Variants in TEX26 observed in about 807,000 individuals in gnomAD.
The protein encoded by TEX26 is testis expressed 26.
TEX26 carries 34 observed loss-of-function variants against 35.3 expected under a neutral mutation model. The observed-to-expected ratio is 0.96, with a 90% CI of 0.73 to 1.28. TEX26 has a LOEUF of 1.28. Among genes scored for constraint, TEX26 ranks in the 50% most tolerant of loss-of-function variants. The pLI is 0.00. For missense variants in TEX26, 371 were observed against 330.1 expected, an observed-to-expected ratio of 1.12 and a Z score of -0.96; for synonymous variants, 136 against 111.8, an observed-to-expected ratio of 1.22 and a Z score of -1.36.
rs554792113 is a variant in TEX26, at chr13:30,935,999, T to A, written c.61+3223T>A. ...TAGGGTACACGAGGATAATCCAGGA[T>A]GATTTCCTAATCTCGAAATCTTTAA... On this transcript the variant is annotated intron_variant, in intron 1 of 6. Transcript: ENST00000380473. Among the ~76,000 whole-genome samples, 30 of 152,358 alleles carry A rather than the reference T, an allele frequency of 2.0e-4. No homozygotes were observed. In the South Asian group the frequency reaches 5.6e-3, roughly 28 times the overall value.
chr13:30,952,819 C>T lies in TEX26; in HGVS notation c.306C>T (p.Leu102=), dbSNP rs769908618. ...GAATCAAGAGCCACAAATCTCATCT[C>T]AATGAAGTAAGATAATATCTACATA... ...SRGIKSHKSH[L]NEDIFLWTLP... Residue 102 remains leucine (L), a synonymous_variant, in exon 3 of 7, where the codon CTC becomes CTT. Coordinates refer to ENST00000380473, the MANE Select transcript of TEX26 (RefSeq NM_152325.3). 1.2e-6 allele frequency: 2 copies of T among 1,612,200 alleles called. No individual in the cohort carries two copies. Among genetic ancestry groups the T allele is most frequent in the Non-Finnish European group, 1.7e-6 (2 of 1,179,134 alleles).
intron 3 of TEX26, among the ~76,000 whole-genome samples, chr13:30,954,044 A>G (rs1954030670): frequency 6.6e-6 from 1 of 152,132 alleles, no homozygotes; most frequent in South Asian, 2.1e-4. Context: ...GGTTGGGTGG[A>G]GAAGGGCATT....
chr13:30,936,708 T>A (rs1405943565), intron 1 of TEX26: 1 of 985,196 alleles, frequency 1.0e-6, no homozygotes, highest in Non-Finnish European at 1.2e-6. Flanking sequence ...CAGGGCTGGG[T>A]CCACGGGAGG....
intron 6 of TEX26, among the ~76,000 whole-genome samples, chr13:30,973,842 T>C (rs1297457520): frequency 6.6e-6 from 1 of 152,076 alleles, no homozygotes; most frequent in Non-Finnish European, 1.5e-5. Flanking sequence ...CTCCACTCTG[T>C]ACTATTAAAG....
rs1954629223 is a variant in TEX26 at position 30,968,950 on chromosome 13, A to C, written c.712A>C (p.Ser238Arg). 3 of 1,614,138 alleles carry C rather than the reference A, an allele frequency of 1.9e-6. No homozygotes were observed. The highest frequency in any genetic ancestry group is 2.5e-6 in the Non-Finnish European group (3 of 1,179,998). ...EHTKKQTTYQ[S>R]DYDKTYPDFL... ...CACAAAGAAACAGACCACATACCAA[A>C]GTGACTACGACAAAACCTACCCAGA... Residue 238 changes from serine (S) to arginine (R), a missense_variant, in exon 6 of 7, where the codon AGT becomes CGT. Physicochemically the swap from Ser to Arg is moderately radical, Grantham distance 110. Coordinates refer to ENST00000380473, the MANE Select transcript of TEX26 (RefSeq NM_152325.3).
chr13:30,959,696 C>T (rs1372406908), intron 4 of TEX26, among the ~76,000 whole-genome samples: 1 of 151,944 alleles, frequency 6.6e-6, no homozygotes, highest in Non-Finnish European at 1.5e-5. Context: ...TGTACACTTA[C>T]CAAAATTTTT....
At position 30,974,854 on chromosome 13, in the gene TEX26, A is replaced by T. The variant is rs1346319719; in HGVS notation, c.817A>T (p.Ile273Phe). 1 of 1,559,662 alleles carries T rather than the reference A, an allele frequency of 6.4e-7. No individual in the cohort carries two copies. Among genetic ancestry groups the T allele is most frequent in the East Asian group, 2.4e-5 (1 of 41,102 alleles). Reference protein sequence around the residue: ...LQSLSYKDRQIIDRFIRTHCD... With the variant: ...LQSLSYKDRQFIDRFIRTHCD... The stretch of plus-strand genomic sequence containing the variant: ...TTCTTCATACTTTTCAGATAGACAA[A>T]TTATTGATCGCTTTATTCGTACTCA... Residue 273 changes from isoleucine to phenylalanine, a missense_variant, in exon 7 of 7, where the codon ATT (isoleucine) becomes TTT (phenylalanine). Coordinates refer to ENST00000380473, the MANE Select transcript of TEX26 (RefSeq NM_152325.3).
At chr13:30,958,758 C>A (rs1486897001) in intron 4 of TEX26, among the ~76,000 whole-genome samples, 1 of 152,172 alleles carries the variant, frequency 6.6e-6, no homozygotes, top group African/African-American at 2.4e-5. Context: ...ATTAATCCCA[C>A]CCCACCGGCA....
intron 1 of TEX26, among the ~76,000 whole-genome samples, chr13:30,934,554 C>A (rs1298371255): frequency 2.6e-5 from 4 of 152,192 alleles, no homozygotes; most frequent in Non-Finnish European, 5.9e-5. Flanking sequence ...AGTCTGCACT[C>A]CCTCTACAGG....
In TEX26 at chr13:30,939,675, T is replaced by A. The variant is rs1325801306; in HGVS notation, c.62-19T>A. 2 of 1,603,078 alleles carry A rather than the reference T, an allele frequency of 1.2e-6. No individual in the cohort carries two copies. The highest frequency in any genetic ancestry group is 2.2e-5 in the East Asian group (1 of 44,792). On this transcript the variant is annotated intron_variant, in intron 1 of 6. Transcript: ENST00000380473. ...TATTCTGGTTTGCCATATTTAAAAC[T>A]GCTTTATTGTACTTTTAGCAGATGA... is the stretch of plus-strand genomic sequence containing the variant.
chr13:30,956,008 T>C (rs948780273), intron 3 of TEX26, among the ~76,000 whole-genome samples: 3 of 152,186 alleles, frequency 2.0e-5, no homozygotes, highest in Non-Finnish European at 2.9e-5. Flanking sequence ...CTAAAATCTC[T>C]CTTTTTTAAT....
At chr13:30,939,835 T>C in intron 2 of TEX26, 57 bp downstream of exon 2, 1 of 1,482,046 alleles carries the variant, frequency 6.7e-7, no homozygotes, top group Non-Finnish European at 9.4e-7. Context: ...GACTTGTCTT[T>C]TATGACTCAG....
intron 4 of TEX26, 49 bp from the exon 5 acceptor site, chr13:30,966,173 C>T (rs370371828): frequency 5.6e-6 from 9 of 1,608,212 alleles, no homozygotes; most frequent in Non-Finnish European, 7.7e-6. Context: ...GGTTTAGCTA[C>T]TTTGTTCACA....
At chr13:30,972,604 A>G (rs1566171137) in intron 6 of TEX26, among the ~76,000 whole-genome samples, 1 of 152,166 alleles carries the variant, frequency 6.6e-6, no homozygotes, top group Non-Finnish European at 1.5e-5. Context: ...AAGAGTAAAT[A>G]ATACAATCAC....
At position 30,952,159 on chromosome 13, in the gene TEX26, G is replaced by A. The variant is rs532947509; in HGVS notation, c.147-501G>A. On this transcript the variant is annotated intron_variant, in intron 2 of 6. Coordinates refer to ENST00000380473, the MANE Select transcript of TEX26 (RefSeq NM_152325.3). The stretch of plus-strand genomic sequence containing the variant: ...ATTTTGGCAAAGATATTTAATAAGT[G>A]ATGATGCATGTATTCACTCAGAAGT... Among the ~76,000 whole-genome samples the A allele has an allele frequency of 4.6e-5, 7 of 151,546 alleles. 1 individual carries two copies. In the South Asian group the frequency reaches 1.3e-3, roughly 27 times the overall value.
chr13:30,974,782 T>C (rs937479783), intron 6 of TEX26, 64 bp from the exon 7 acceptor site: 5 of 1,440,208 alleles, frequency 3.5e-6, no homozygotes, highest in Admixed American at 2.9e-5. Context: ...TCATAGAATT[T>C]CCCAATTTAT....
intron 1 of TEX26, among the ~76,000 whole-genome samples, chr13:30,937,155 A>G (rs1337930334): frequency 6.6e-6 from 1 of 152,164 alleles, no homozygotes; most frequent in Non-Finnish European, 1.5e-5. Context: ...TCATGGCCTC[A>G]GTTCCTGGAA....
intron 1 of TEX26, among the ~76,000 whole-genome samples, chr13:30,938,509 G>A (rs1953356966): frequency 6.6e-6 from 1 of 152,116 alleles, no homozygotes. Flanking sequence ...TGCTAGCCCA[G>A]GTCTCTCATC....
At chr13:30,958,022 T>A (rs1481900641) in intron 4 of TEX26, among the ~76,000 whole-genome samples, 2 of 152,234 alleles carry the variant, frequency 1.3e-5, no homozygotes, top group East Asian at 3.8e-4. Context: ...TCCAGCACAC[T>A]ATTCATCCTG....
Sources: gnomAD v4.1 joint callset for allele counts (sites outside exome capture counted in the v4.1 genomes callset) on GRCh38, gnomAD v4.1.1 for gene constraint, MANE v1.5 for transcripts, NCBI Gene and HGNC (gene_info 2026-07-23, HGNC 2026-07-21) for gene names.